The following TMPRSS2 variants were observed in gnomAD, a reference collection of about 807,000 sequenced individuals.
The protein encoded by TMPRSS2 is transmembrane serine protease 2.
Under a neutral mutation model 67.4 loss-of-function variants are expected in TMPRSS2, and 59 were observed. The ratio of observed to expected loss-of-function variants is 0.88; its 90% confidence interval spans 0.71 to 1.09. The LOEUF (loss-of-function observed/expected upper bound fraction) is 1.09, where lower values mean the gene tolerates loss of function less well. TMPRSS2 is among the 50% of genes least tolerant of loss of function. The probability of loss-of-function intolerance (pLI) is 0.00; values close to 1 mark genes in which losing one functional copy is unlikely to be tolerated. For missense variants in TMPRSS2, 668 were observed against 642.7 expected (o/e 1.04, Z -0.43); for synonymous variants, 257 against 257.0 (o/e 1.00, Z 0.00).
Position 41,470,834 on chromosome 21 carries a change from C to T in TMPRSS2, c.1076-91G>A, listed in dbSNP as rs918000662. ...CACATGCAGGCTGCTGGGCCTGGCA[C>T]CCTGGCCACCCTGCCCAGAGGACCC... is the stretch of plus-strand genomic sequence containing the variant. On this transcript the variant is annotated intron_variant, in intron 10 of 13. Coordinates refer to ENST00000332149, the MANE Select transcript of TMPRSS2 (RefSeq NM_005656.4). 8.1e-5 allele frequency: 79 copies of T among 974,512 alleles called. No homozygotes were observed. In the African/African-American group the frequency reaches 1.1e-3, roughly 14 times the overall value. The allele number at this position is 974,512 out of a possible 1,614,324, so 60.4% of individuals were successfully genotyped here. A position where few individuals can be genotyped will look rare whatever the true frequency, so the allele number is the denominator to read the frequency against.
chr21:41,482,652 C>T (rs1395351767), intron 5 of TMPRSS2, among the ~76,000 whole-genome samples: 1 of 152,152 alleles, frequency 6.6e-6, no homozygotes, highest in Admixed American at 6.5e-5. Context: ...TTGTCTAATG[C>T]CTCTGTGGTG....
intron 1 of TMPRSS2, among the ~76,000 whole-genome samples, chr21:41,507,084 C>T (rs2146518110): frequency 6.6e-6 from 1 of 152,362 alleles, no homozygotes; most frequent in East Asian, 1.9e-4. Context: ...AGGGCCACCG[C>T]GCTGTGCTCT....
chr21:41,470,250 T>C (rs542228195), intron 11 of TMPRSS2, among the ~76,000 whole-genome samples: 51 of 152,166 alleles, frequency 3.4e-4, no homozygotes, highest in South Asian at 1.2e-3. Flanking sequence ...AGGACAGGCT[T>C]AGATGTGGCC....
intron 12 of TMPRSS2, 137 bp downstream of exon 12, chr21:41,468,259 C>A (rs1246121064): frequency 3.6e-6 from 4 of 1,097,604 alleles, no homozygotes; most frequent in African/African-American, 3.1e-5. Flanking sequence ...TGTTTGTGGC[C>A]GTCACTTCCC....
Position 41,470,711 on chromosome 21 carries a change from C to T in TMPRSS2, c.1108G>A (p.Gly370Ser), listed in dbSNP as rs2091125840. 1.9e-6 allele frequency: 3 copies of T among 1,613,514 alleles called. No homozygotes were observed. The highest frequency in any genetic ancestry group is 1.1e-5 in the South Asian group (1 of 91,086). ...AGCTGTTCTGGCTGCAGCATCATGC[C>T]TGGGTTGGGCAGACACACTGGTTTC... ...LVKPVCLPNP[G>S]MMLQPEQLCW... Residue 370 changes from glycine to serine, a missense_variant, in exon 11 of 14, where the codon GGC (glycine) becomes AGC (serine). Physicochemically the swap from Gly to Ser is moderately conservative, Grantham distance 56. Coordinates refer to ENST00000332149, the MANE Select transcript of TMPRSS2 (RefSeq NM_005656.4).
chr21:41,468,538 C>T lies in TMPRSS2; in HGVS notation c.1172G>A (p.Gly391Glu), dbSNP rs762844469. The T allele has an allele frequency of 5.0e-6, 8 of 1,613,868 alleles. No homozygotes were observed. In the Admixed American group the frequency reaches 1.3e-4, roughly 27 times the overall value. Reference protein sequence around the residue: ...ISGWGATEEKGKTSEVLNAAK... With the variant: ...ISGWGATEEKEKTSEVLNAAK... ...AGCGTTCAGCACTTCTGAGGTCTTC[C>T]CTAAGGACAGGGAGACTTGTTGAGC... Residue 391 changes from glycine to glutamate, a missense_variant and splice_region_variant, in exon 12 of 14, where the codon GGG (glycine) becomes GAG (glutamate). Physicochemically the swap from Gly to Glu is moderately conservative, Grantham distance 98 (BLOSUM62 -2). Transcript: ENST00000332149.
intron 2 of TMPRSS2, chr21:41,494,858 C>G (rs1479820893): frequency 7.0e-6 from 3 of 430,818 alleles, no homozygotes; most frequent in Non-Finnish European, 1.3e-5. Context: ...ATCATGAGGT[C>G]AGGAGATCGA....
At chr21:41,507,932 A>G in intron 1 of TMPRSS2, 149 bp downstream of exon 1, 2 of 1,489,744 alleles carry the variant, frequency 1.3e-6, no homozygotes, top group Non-Finnish European at 8.9e-7. Flanking sequence ...CCAGCGCTCG[A>G]CCCTCGGGCG....
At position 41,471,850 on chromosome 21, in the gene TMPRSS2, T is replaced by C; in HGVS notation, c.1031A>G (p.Asn344Ser). 1 of 1,613,012 alleles carries C rather than the reference T, an allele frequency of 6.2e-7. No individual in the cohort carries two copies. Residue 344 changes from asparagine to serine, a missense_variant, in exon 10 of 14, where the codon AAT (asparagine) becomes AGT (serine). Asn to Ser is a conservative substitution (Grantham distance 46). Coordinates refer to ENST00000332149, the MANE Select transcript of TMPRSS2 (RefSeq NM_005656.4). ...CTGCAGCTTCATCAGCGCAATGTCATTGTTCTTGGTCTTGGAGTCATAATT... is the reference window on the plus strand; with the variant it reads ...CTGCAGCTTCATCAGCGCAATGTCACTGTTCTTGGTCTTGGAGTCATAATT... ...HPNYDSKTKNNDIALMKLQKP... is the reference protein window; with the variant it reads ...HPNYDSKTKNSDIALMKLQKP...
intron 3 of TMPRSS2, among the ~76,000 whole-genome samples, chr21:41,490,532 C>G (rs1025806712): frequency 6.6e-6 from 1 of 152,234 alleles, no homozygotes; most frequent in South Asian, 2.1e-4. Flanking sequence ...TGCTGGACAG[C>G]GCCAGTGCAG....
chr21:41,484,551 A>G (rs2091281092), intron 5 of TMPRSS2, among the ~76,000 whole-genome samples: 1 of 152,198 alleles, frequency 6.6e-6, no homozygotes, highest in Non-Finnish European at 1.5e-5. Flanking sequence ...TTAAAAGTGC[A>G]CCCTATGCCT....
chr21:41,467,973 CG>C (rs2146420107), intron 12 of TMPRSS2, 87 bp from the exon 13 acceptor site: 2 of 1,494,638 alleles, frequency 1.3e-6, no homozygotes, highest in Non-Finnish European at 9.2e-7. Flanking sequence ...AGTTGGGGGG[CG>C]GGGGTCGCAG....
At chr21:41,486,002 G>T (rs2091295268) in intron 5 of TMPRSS2, among the ~76,000 whole-genome samples, 1 of 152,198 alleles carries the variant, frequency 6.6e-6, no homozygotes, top group African/African-American at 2.4e-5. Context: ...AGGAGAGGGG[G>T]GATTACTTTG....
intron 1 of TMPRSS2, among the ~76,000 whole-genome samples, chr21:41,500,155 C>T (rs1354873700): frequency 1.3e-5 from 2 of 152,214 alleles, no homozygotes; most frequent in Non-Finnish European, 2.9e-5. Flanking sequence ...CTCTCCATGA[C>T]CTGGAGGAAG....
At chr21:41,494,122 C>T (rs143167369) in intron 3 of TMPRSS2, among the ~76,000 whole-genome samples, 13 of 152,306 alleles carry the variant, frequency 8.5e-5, no homozygotes, top group African/African-American at 2.6e-4. Context: ...GGAGAGTTAA[C>T]GGAAGAGGGA....
At chr21:41,466,249 A>G (rs1027913697) in intron 13 of TMPRSS2, 96 bp from the exon 14 acceptor site, 4 of 1,268,008 alleles carry the variant, frequency 3.2e-6, no homozygotes, top group Non-Finnish European at 4.5e-6. Context: ...AGCACTTAGA[A>G]ACCAAATAAG....
intron 1 of TMPRSS2, among the ~76,000 whole-genome samples, chr21:41,503,118 A>G (rs1193815886): frequency 6.6e-6 from 1 of 152,212 alleles, no homozygotes; most frequent in African/African-American, 2.4e-5. Flanking sequence ...AATTTGCAGG[A>G]AAAAATATAT....
intron 10 of TMPRSS2, 48 bp from the exon 11 acceptor site, chr21:41,470,791 G>A: frequency 6.6e-7 from 1 of 1,524,236 alleles, no homozygotes; most frequent in Non-Finnish European, 9.0e-7. Context: ...TATCACCTAT[G>A]TCTCCACCTG....
Position 41,469,407 on chromosome 21 carries a change from G to A in TMPRSS2, c.1172-869C>T, listed in dbSNP as rs149109132. ...CCATCCATTCATCCCCACTCCCCAC[G>A]CAGCTGCCAGATCATGGCACTCCCC... On this transcript the variant is annotated intron_variant, in intron 11 of 13. Transcript: ENST00000332149. Among the ~76,000 whole-genome samples the A allele has an allele frequency of 7.4e-3, 1,122 of 151,804 alleles. 6 individuals are homozygous for A. Among genetic ancestry groups the A allele is most frequent in the African/African-American group, 0.02 (822 of 41,384 alleles).
Sources: gnomAD v4.1 joint callset for allele counts (sites outside exome capture counted in the v4.1 genomes callset) on GRCh38, gnomAD v4.1.1 for gene constraint, MANE v1.5 for transcripts, NCBI Gene and HGNC (gene_info 2026-07-23, HGNC 2026-07-21) for gene names.